SUGCT: variants seen among roughly 807,000 people sequenced by gnomAD.
SUGCT encodes the protein succinyl-CoA:glutarate-CoA transferase.
In SUGCT, 41 loss-of-function variants were observed where a neutral mutation model predicts 55.0. The ratio of observed to expected loss-of-function variants is 0.74; its 90% CI spans 0.58 to 0.97. The LOEUF (loss-of-function observed/expected upper bound fraction) is 0.97, where lower values mean the gene tolerates loss of function less well. Among genes scored for constraint, SUGCT ranks in the 50% least tolerant of loss-of-function variants. The probability of loss-of-function intolerance (pLI) is 0.00; values close to 1 mark genes in which losing one functional copy is unlikely to be tolerated. For synonymous variants in SUGCT, 187 were observed against 200.4 expected (o/e 0.93, Z 0.56); for missense variants, 568 against 547.8 (o/e 1.04, Z -0.37).
At chr7:41,021,222 C>T in the SUGCT span, among the ~76,000 whole-genome samples, 1 of 152,188 alleles carries the variant, frequency 6.6e-6, no homozygotes, top group Non-Finnish European at 1.5e-5. Flanking sequence ...GACTAGCTAG[C>T]ACAGAATCTC....
At chr7:40,344,300 A>T (rs957020128) in intron 9 of SUGCT, among the ~76,000 whole-genome samples, 1 of 152,122 alleles carries the variant, frequency 6.6e-6, no homozygotes, top group Admixed American at 6.5e-5. Context: ...TTGACCTTGC[A>T]TTGTGTAGCT....
intron 12 of SUGCT, among the ~76,000 whole-genome samples, chr7:40,747,747 G>T (rs1449185527): frequency 2.0e-5 from 3 of 152,058 alleles, no homozygotes; most frequent in Non-Finnish European, 4.4e-5. Context: ...ATAGATGTTG[G>T]ATTCTTTGGG....
the SUGCT span, among the ~76,000 whole-genome samples, chr7:40,970,285 C>T: frequency 6.6e-6 from 1 of 152,166 alleles, no homozygotes; most frequent in Non-Finnish European, 1.5e-5. Flanking sequence ...GATTCTCCTG[C>T]CTCAGCCTCC....
At chr7:40,968,626 G>C in the SUGCT span, among the ~76,000 whole-genome samples, 2 of 152,276 alleles carry the variant, frequency 1.3e-5, no homozygotes, top group East Asian at 1.9e-4. Flanking sequence ...AAAGTTCTCC[G>C]TGGCCTACAG....
intron 12 of SUGCT, among the ~76,000 whole-genome samples, chr7:40,576,378 G>T (rs191815402): frequency 3.9e-5 from 6 of 152,328 alleles, no homozygotes; most frequent in Admixed American, 3.3e-4. Context: ...AGGGAAAAAG[G>T]TCTGCCCTCA....
the SUGCT span, among the ~76,000 whole-genome samples, chr7:40,943,678 A>G: frequency 0.33 from 48,862 of 148,592 alleles, 8,730 homozygotes; most frequent in Admixed American, 0.44. Context: ...CCAGTCTATC[A>G]TTGTTGGACA....
chr7:40,388,481 T>C (rs1239525041), intron 9 of SUGCT, among the ~76,000 whole-genome samples: 2 of 152,298 alleles, frequency 1.3e-5, no homozygotes, highest in East Asian at 3.9e-4. Context: ...AGCGGCGCGA[T>C]CTTGGCTCAC....
At chr7:40,439,485 G>A (rs1788381098) in intron 9 of SUGCT, among the ~76,000 whole-genome samples, 1 of 152,044 alleles carries the variant, frequency 6.6e-6, no homozygotes, top group African/African-American at 2.4e-5. Context: ...ACATCCTAAA[G>A]CTAGTGAATG....
chr7:40,467,263 G>C (rs1256125329), intron 11 of SUGCT, among the ~76,000 whole-genome samples: 1 of 147,586 alleles, frequency 6.8e-6, no homozygotes, highest in Non-Finnish European at 1.5e-5. Flanking sequence ...GCATGCAGCA[G>C]TACTCAGCCT....
At chr7:40,373,823 A>G (rs999086129) in intron 9 of SUGCT, among the ~76,000 whole-genome samples, 7 of 152,140 alleles carry the variant, frequency 4.6e-5, no homozygotes, top group African/African-American at 1.7e-4. Flanking sequence ...GAGTGATAGA[A>G]ATCTGTAAGA....
At chr7:40,383,987 G>A (rs1410025574) in intron 9 of SUGCT, among the ~76,000 whole-genome samples, 3 of 152,246 alleles carry the variant, frequency 2.0e-5, no homozygotes, top group Non-Finnish European at 4.4e-5. Flanking sequence ...CAGTCCTTTG[G>A]ATGTTAATCC....
chr7:40,902,303 G>C, the SUGCT span, among the ~76,000 whole-genome samples: 9 of 152,102 alleles, frequency 5.9e-5, no homozygotes, highest in African/African-American at 2.2e-4. Context: ...AACCAGCCGG[G>C]TGTGGTGGCT....
intron 9 of SUGCT, among the ~76,000 whole-genome samples, chr7:40,405,823 AAAAAAAAG>A (rs1179137216): frequency 2.0e-5 from 3 of 151,600 alleles, no homozygotes; most frequent in African/African-American, 4.8e-5. Context: ...AAAAAAAAAA[AAAAAAAAG>A]AAAAACCAAT....
chr7:40,386,184 G>C (rs1785119204), intron 9 of SUGCT, among the ~76,000 whole-genome samples: 1 of 152,186 alleles, frequency 6.6e-6, no homozygotes, highest in South Asian at 2.1e-4. Context: ...GGAGTGCACA[G>C]CTAGGACAAG....
chr7:40,218,138 G>A (rs1787779762), intron 6 of SUGCT, among the ~76,000 whole-genome samples: 1 of 152,146 alleles, frequency 6.6e-6, no homozygotes, highest in Non-Finnish European at 1.5e-5. Context: ...ATTTGAACCT[G>A]GGAGGCAGAG....
At chr7:40,196,104 G>A (rs991160586) in intron 6 of SUGCT, among the ~76,000 whole-genome samples, 2 of 152,148 alleles carry the variant, frequency 1.3e-5, no homozygotes, top group African/African-American at 4.8e-5. Flanking sequence ...CCAAAGGAAG[G>A]AAAAGAGTGG....
chr7:40,402,209 C>T (rs536070648), intron 9 of SUGCT, among the ~76,000 whole-genome samples: 1 of 151,970 alleles, frequency 6.6e-6, no homozygotes, highest in South Asian at 2.1e-4. Context: ...TAGGAAAGGC[C>T]GTTCTAGAAC....
intron 9 of SUGCT, among the ~76,000 whole-genome samples, chr7:40,409,771 A>G (rs1425696216): frequency 1.3e-5 from 2 of 151,430 alleles, no homozygotes; most frequent in African/African-American, 4.9e-5. Flanking sequence ...GCATAATCTC[A>G]GCTCACTGCA....
chr7:40,249,359 T>C (rs1174915789), intron 7 of SUGCT, among the ~76,000 whole-genome samples: 15 of 107,332 alleles, frequency 1.4e-4, no homozygotes, highest in African/African-American at 4.8e-4. Flanking sequence ...TTATATTATA[T>C]AGAATATATT....
Sources: gnomAD v4.1 joint callset for allele counts (sites outside exome capture counted in the v4.1 genomes callset) on GRCh38, gnomAD v4.1.1 for gene constraint, MANE v1.5 for transcripts, NCBI Gene and HGNC (gene_info 2026-07-23, HGNC 2026-07-21) for gene names.